Variants in TOPAZ1 observed in about 807,000 individuals in gnomAD.
The protein encoded by TOPAZ1 is protein TOPAZ1.
TOPAZ1 carries 66 observed loss-of-function variants against 172.2 expected under a neutral mutation model. That is an observed-to-expected ratio of 0.38 (90% CI 0.31 to 0.47). The LOEUF (loss-of-function observed/expected upper bound fraction) is 0.47, where lower values mean the gene tolerates loss of function less well. Ranked by LOEUF, TOPAZ1 falls within the 20% of genes least tolerant of loss-of-function variation. The probability of loss-of-function intolerance (pLI) is 0.99; values close to 1 mark genes in which losing one functional copy is unlikely to be tolerated. For synonymous variants in TOPAZ1, 681 were observed against 683.9 expected, an observed-to-expected ratio of 1.00 and a Z score of 0.07; for missense variants, 1,822 against 1,972.4, an observed-to-expected ratio of 0.92 and a Z score of 1.44.
intron 12 of TOPAZ1, among the ~76,000 whole-genome samples, chr3:44,291,907 C>A (rs1161590623): frequency 6.6e-6 from 1 of 152,160 alleles, no homozygotes; most frequent in Non-Finnish European, 1.5e-5. Context: ...GGTTCCCAAA[C>A]TTTCTTGGTT....
chr3:44,281,584 A>T (rs141512860), intron 8 of TOPAZ1, among the ~76,000 whole-genome samples: 1 of 152,122 alleles, frequency 6.6e-6, no homozygotes, highest in African/African-American at 2.4e-5. Context: ...TCAAGATACA[A>T]TTTTTTCCCA....
At chr3:44,335,391 T>G (rs1700712181), downstream of TOPAZ1, among the ~76,000 whole-genome samples, 1 of 152,006 alleles carries the variant, frequency 6.6e-6, no homozygotes, top group African/African-American at 2.4e-5. Flanking sequence ...TTTGGGAGGC[T>G]GAGGCAGTCA....
At chr3:44,255,259 A>C (rs1458837349) in intron 3 of TOPAZ1, among the ~76,000 whole-genome samples, 1 of 152,212 alleles carries the variant, frequency 6.6e-6, no homozygotes, top group Non-Finnish European at 1.5e-5. Flanking sequence ...CTTTATCTAC[A>C]AAAGATAGGT....
In TOPAZ1 at chr3:44,242,048, G is replaced by C; in HGVS notation, c.-6G>C. The C allele has an allele frequency of 7.1e-6, 11 of 1,542,402 alleles. No homozygotes were observed. The highest frequency in any genetic ancestry group is 9.6e-6 in the Non-Finnish European group (11 of 1,145,950). ...GAGGGGCCCCAGCGGGCCGGCCCCG[G>C]GGCACATGCGACGACCTCCACCCCT... On this transcript the variant is annotated 5_prime_UTR_variant, in exon 1 of 20. Transcript: ENST00000309765.
chr3:44,267,456 G>A (rs551516271), intron 6 of TOPAZ1, among the ~76,000 whole-genome samples: 9 of 151,912 alleles, frequency 5.9e-5, no homozygotes, highest in South Asian at 2.1e-4. Context: ...CACCATGCCC[G>A]GCTAATTTTT....
intron 5 of TOPAZ1, among the ~76,000 whole-genome samples, chr3:44,262,728 TAAAAA>T (rs1386998744): frequency 6.6e-6 from 1 of 152,122 alleles, no homozygotes; most frequent in Non-Finnish European, 1.5e-5. Context: ...GGAGTAGTGA[TAAAAA>T]GAAAAAATGA....
chr3:44,330,030 A>G (rs1253904827), intron 19 of TOPAZ1, among the ~76,000 whole-genome samples: 2 of 152,216 alleles, frequency 1.3e-5, no homozygotes, highest in Admixed American at 1.3e-4. Flanking sequence ...CCAACAGCCT[A>G]CTATCCAAAG....
Position 44,289,631 on chromosome 3 carries a change from G to T in TOPAZ1, c.3682-1140G>T, listed in dbSNP as rs149608533. Among the ~76,000 whole-genome samples the T allele has an allele frequency of 2.0e-5, 3 of 152,222 alleles. No homozygotes were observed. The East Asian group carries it at 5.8e-4, about 29-fold the overall frequency. On this transcript the variant is annotated intron_variant, in intron 11 of 19. Coordinates refer to ENST00000309765, the MANE Select transcript of TOPAZ1 (RefSeq NM_001145030.2). The stretch of plus-strand genomic sequence containing the variant: ...CAAAGGTGGGGAAAATCTCTCAGCA[G>T]CTTGTTACTATTGTCCTTCACTAAA...
At chr3:44,303,355 G>A (rs1700297320) in intron 12 of TOPAZ1, among the ~76,000 whole-genome samples, 1 of 151,416 alleles carries the variant, frequency 6.6e-6, no homozygotes, top group South Asian at 2.1e-4. Flanking sequence ...TTGCCAAAGG[G>A]TGTTTCTTTC....
At chr3:44,319,415 G>GA (rs1465421893) in intron 16 of TOPAZ1, among the ~76,000 whole-genome samples, 1 of 152,046 alleles carries the variant, frequency 6.6e-6, no homozygotes, top group African/African-American at 2.4e-5. Context: ...AAGTATTAAA[G>GA]AAAAATGATG....
chr3:44,308,703 T>C (rs1349673307), intron 15 of TOPAZ1, among the ~76,000 whole-genome samples: 1 of 152,024 alleles, frequency 6.6e-6, no homozygotes, highest in African/African-American at 2.4e-5. Flanking sequence ...ATTTGAGACA[T>C]TGGTAGATTG....
intron 4 of TOPAZ1, among the ~76,000 whole-genome samples, chr3:44,257,520 T>C (rs1189700911): frequency 6.7e-6 from 1 of 148,778 alleles, no homozygotes; most frequent in African/African-American, 2.5e-5. Context: ...GAATGATTCT[T>C]TTCCAGAGGC....
At chr3:44,280,617 C>G (rs1700012581) in intron 8 of TOPAZ1, among the ~76,000 whole-genome samples, 2 of 152,304 alleles carry the variant, frequency 1.3e-5, no homozygotes, top group South Asian at 4.1e-4. Context: ...GCTGAGATTA[C>G]AGGCATGAGC....
At chr3:44,293,300 A>G (rs2125695001) in intron 12 of TOPAZ1, among the ~76,000 whole-genome samples, 1 of 152,228 alleles carries the variant, frequency 6.6e-6, no homozygotes, top group East Asian at 1.9e-4. Context: ...TCCTACTTAT[A>G]TTTTTTTAAA....
At chr3:44,247,800 C>T (rs1699583091) in intron 2 of TOPAZ1, among the ~76,000 whole-genome samples, 1 of 152,172 alleles carries the variant, frequency 6.6e-6, no homozygotes, top group South Asian at 2.1e-4. Context: ...CAGGCACATG[C>T]CACCACTCCT....
At chr3:44,281,389 T>C (rs1047606970) in intron 8 of TOPAZ1, among the ~76,000 whole-genome samples, 1 of 152,214 alleles carries the variant, frequency 6.6e-6, no homozygotes, top group African/African-American at 2.4e-5. Context: ...TTTTGAGAAA[T>C]AGAATTTCTT....
In TOPAZ1 at chr3:44,328,290, T is replaced by C; in HGVS notation, c.4716T>C (p.Asn1572=). ...SLGCYPPLEG[N]LYRKLLLIPS... ...GTTGCTACCCACCATTGGAAGGAAA[T>C]TTATACCGAAAACTTCTTCTAATTC... The change falls in exon 19 of 20, where the codon AAT becomes AAC. Residue 1572 remains asparagine (N), a synonymous_variant. Transcript: ENST00000309765. 2 of 1,512,136 alleles carry C rather than the reference T, an allele frequency of 1.3e-6. No individual in the cohort carries two copies. The highest frequency in any genetic ancestry group is 8.8e-7 in the Non-Finnish European group (1 of 1,133,474). 93.7% of individuals were successfully genotyped at this position (1,512,136 alleles called of 1,614,324 possible). A position where few individuals can be genotyped will look rare whatever the true frequency, so the allele number is the denominator to read the frequency against.
chr3:44,246,924 C>T (rs1404356735), intron 2 of TOPAZ1, among the ~76,000 whole-genome samples: 1 of 152,178 alleles, frequency 6.6e-6, no homozygotes, highest in Non-Finnish European at 1.5e-5. Context: ...GTAAATTCTG[C>T]ATTCAAGAGC....
Position 44,244,944 on chromosome 3 carries a change from G to C in TOPAZ1, c.2438G>C (p.Gly813Ala). Residue 813 changes from glycine (G) to alanine (A), a missense_variant, in exon 2 of 20, where the codon GGG becomes GCG. Gly to Ala is a moderately conservative substitution (Grantham distance 60, BLOSUM62 0). This residue lies in a region of TOPAZ1 where 1,489 missense variants were observed against 1,490.8 expected (regional missense o/e 1.00). Coordinates refer to ENST00000309765, the MANE Select transcript of TOPAZ1 (RefSeq NM_001145030.2). ...AATAATGCTTTTTCTTGTGATCCTG[G>C]GTATGTAGAGAAAAGTCCTTCCTTC... is the stretch of plus-strand genomic sequence containing the variant. ...VENNAFSCDPGYVEKSPSFCC... is the reference protein window; with the variant it reads ...VENNAFSCDPAYVEKSPSFCC... The C allele has an allele frequency of 6.4e-7, 1 of 1,551,648 alleles. No homozygotes were observed. Among genetic ancestry groups the C allele is most frequent in the South Asian group, 1.2e-5 (1 of 84,046 alleles).
Sources: gnomAD v4.1 joint callset for allele counts (sites outside exome capture counted in the v4.1 genomes callset) on GRCh38, gnomAD v4.1.1 for gene constraint, gnomAD v4.1.1 regional missense constraint, MANE v1.5 for transcripts, NCBI Gene and HGNC (gene_info 2026-07-23, HGNC 2026-07-21) for gene names.